The following TENM3 variants were observed in gnomAD, a reference collection of about 807,000 sequenced individuals.
TENM3 encodes teneurin transmembrane protein 3.
TENM3 carries 63 observed loss-of-function variants against 255.1 expected under a neutral mutation model. That is an observed-to-expected ratio of 0.25 (90% confidence interval 0.20 to 0.30). TENM3 has a LOEUF of 0.30. Among genes scored for constraint, TENM3 ranks in the 10% least tolerant of loss-of-function variants. The pLI, the probability that TENM3 is intolerant of heterozygous loss-of-function variation, is 1.00. For missense variants in TENM3, 2,929 were observed against 3,461.1 expected, an observed-to-expected ratio of 0.85 and a Z score of 3.86; for synonymous variants, 1,306 against 1,322.3, an observed-to-expected ratio of 0.99 and a Z score of 0.27.
the TENM3 span, among the ~76,000 whole-genome samples, chr4:181,986,422 G>T: frequency 1.3e-5 from 2 of 151,896 alleles, no homozygotes; most frequent in African/African-American, 4.8e-5. Flanking sequence ...TTCTGGCTCT[G>T]CTCTGTTACT....
chr4:181,697,407 G>GTTTT, the TENM3 span, among the ~76,000 whole-genome samples: 1 of 152,028 alleles, frequency 6.6e-6, no homozygotes, highest in Non-Finnish European at 1.5e-5. Flanking sequence ...GTTTTGTTTT[G>GTTTT]TTTTGTTTGA....
At chr4:182,650,889 A>AATAT (rs1157725899) in intron 5 of TENM3, among the ~76,000 whole-genome samples, 4 of 29,774 alleles carry the variant, frequency 1.3e-4, no homozygotes, top group African/African-American at 9.4e-4. Flanking sequence ...AATAAAAAAA[A>AATAT]ATATATATAT....
At chr4:182,393,799 G>A (rs1185967856) in intron 3 of TENM3, among the ~76,000 whole-genome samples, 1 of 152,038 alleles carries the variant, frequency 6.6e-6, no homozygotes, top group Admixed American at 6.6e-5. Flanking sequence ...GAGGATTGCT[G>A]GCATGTTCAT....
chr4:182,023,087 C>T, the TENM3 span, among the ~76,000 whole-genome samples: 8 of 152,144 alleles, frequency 5.3e-5, no homozygotes, highest in African/African-American at 1.2e-4. Flanking sequence ...GTCAACAAGA[C>T]GGGGTTGGTT....
the TENM3 span, among the ~76,000 whole-genome samples, chr4:181,526,648 A>G: frequency 1.3e-5 from 2 of 151,058 alleles, no homozygotes; most frequent in African/African-American, 4.9e-5. Context: ...TTTTTGTGGT[A>G]GTAGTGGTGG....
chr4:182,206,800 C>T (rs1754611823), intron 1 of TENM3, among the ~76,000 whole-genome samples: 1 of 152,116 alleles, frequency 6.6e-6, no homozygotes, highest in Non-Finnish European at 1.5e-5. Context: ...ACTGAGTATT[C>T]ATCTGGGGGA....
the TENM3 span, among the ~76,000 whole-genome samples, chr4:181,742,485 C>T: frequency 4.0e-5 from 6 of 151,886 alleles, no homozygotes; most frequent in South Asian, 4.2e-4. Context: ...TTAAGCAAAA[C>T]GAATTTTTTA....
intron 3 of TENM3, among the ~76,000 whole-genome samples, chr4:182,382,774 A>T (rs1285743434): frequency 4.0e-5 from 6 of 150,638 alleles, no homozygotes; most frequent in Non-Finnish European, 8.9e-5. Context: ...ATCTTTAAAA[A>T]CCTCTTTTCA....
the TENM3 span, among the ~76,000 whole-genome samples, chr4:181,904,887 T>G: frequency 9.2e-5 from 14 of 152,096 alleles, no homozygotes; most frequent in Non-Finnish European, 1.8e-4. Flanking sequence ...TCCCATGCTG[T>G]TCTCATGATA....
At chr4:182,430,777 C>A (rs1450348113) in intron 3 of TENM3, among the ~76,000 whole-genome samples, 1 of 152,058 alleles carries the variant, frequency 6.6e-6, no homozygotes, top group African/African-American at 2.4e-5. Flanking sequence ...CTGCAGGAGC[C>A]GAGGCGGGCG....
intron 5 of TENM3, among the ~76,000 whole-genome samples, chr4:182,651,401 A>G (rs1753274647): frequency 6.6e-6 from 1 of 152,140 alleles, no homozygotes; most frequent in Non-Finnish European, 1.5e-5. Context: ...CGTGAAAATC[A>G]GAGTTTAGGC....
chr4:182,466,479 G>A (rs1732601819), intron 3 of TENM3, among the ~76,000 whole-genome samples: 1 of 152,140 alleles, frequency 6.6e-6, no homozygotes, highest in Non-Finnish European at 1.5e-5. Flanking sequence ...GCAGGTGTGT[G>A]CCACCATGCC....
chr4:181,801,251 C>T, the TENM3 span, among the ~76,000 whole-genome samples: 1 of 151,736 alleles, frequency 6.6e-6, no homozygotes, highest in East Asian at 1.9e-4. Flanking sequence ...TGTTTGTTTG[C>T]TTGTTTTCTC....
chr4:181,615,215 C>T, the TENM3 span, among the ~76,000 whole-genome samples: 1 of 152,098 alleles, frequency 6.6e-6, no homozygotes, highest in Non-Finnish European at 1.5e-5. Flanking sequence ...CAAAACCATC[C>T]TCCAGCTTAA....
intron 1 of TENM3, among the ~76,000 whole-genome samples, chr4:182,261,397 G>A (rs1013536608): frequency 1.3e-5 from 2 of 152,082 alleles, no homozygotes; most frequent in Admixed American, 6.5e-5. Flanking sequence ...TTCCGGCATC[G>A]TGAGGGTGAT....
At position 182,800,059 on chromosome 4, in the gene TENM3, T is replaced by C; in HGVS notation, c.7808T>C (p.Leu2603Pro). The C allele has an allele frequency of 6.2e-7, 1 of 1,603,186 alleles. No individual in the cohort carries two copies. Among genetic ancestry groups the C allele is most frequent in the Non-Finnish European group, 8.5e-7 (1 of 1,175,660 alleles). The change falls in exon 28 of 28, where the codon CTG becomes CCG. Residue 2603 changes from leucine to proline, a missense_variant. Physicochemically the swap from Leu to Pro is moderately conservative, Grantham distance 98. Transcript: ENST00000511685. Reference sequence around the variant, plus strand: ...GACGTGGAGATGCAGTTCGGCGCGCTGGCGCTGCACGTGCGCTACGGCATG... The same window carrying C: ...GACGTGGAGATGCAGTTCGGCGCGCCGGCGCTGCACGTGCGCTACGGCATG... Reference protein sequence around the residue: ...FADVEMQFGALALHVRYGMTL... With the variant: ...FADVEMQFGAPALHVRYGMTL...
the TENM3 span, among the ~76,000 whole-genome samples, chr4:182,108,069 G>A: frequency 1.1e-4 from 17 of 152,156 alleles, no homozygotes; most frequent in East Asian, 1.5e-3. Flanking sequence ...CACGGGCTCC[G>A]TTCACCCCTG....
the TENM3 span, among the ~76,000 whole-genome samples, chr4:181,853,481 A>G: frequency 1.3e-5 from 2 of 152,232 alleles, no homozygotes; most frequent in Non-Finnish European, 2.9e-5. Context: ...TATAACGGCA[A>G]TCTCAAAACA....
intron 26 of TENM3, among the ~76,000 whole-genome samples, chr4:182,795,086 C>T (rs1766403653): frequency 6.6e-6 from 1 of 152,160 alleles, no homozygotes; most frequent in South Asian, 2.1e-4. Context: ...AAACAGCTCT[C>T]AACAGGTTGC....
Sources: allele counts gnomAD v4.1 joint callset (sites outside exome capture counted in the v4.1 genomes callset), GRCh38; gene constraint gnomAD v4.1.1; transcripts MANE v1.5; gene names NCBI Gene and HGNC (gene_info 2026-07-23, HGNC 2026-07-21).